BCAR3: variants seen among roughly 807,000 people sequenced by gnomAD.
The protein encoded by BCAR3 is BCAR3 adaptor protein, NSP family member, also known as breast cancer anti-estrogen resistance protein 3.
A neutral mutation model predicts 80.1 loss-of-function variants in BCAR3; 37 were observed. That is an observed-to-expected ratio of 0.46 (90% confidence interval 0.36 to 0.61). The LOEUF is 0.61. BCAR3 is among the 20% of genes least tolerant of loss of function. The pLI is 0.00. For synonymous variants in BCAR3, 389 were observed against 418.9 expected, an observed-to-expected ratio of 0.93 and a Z score of 0.87; for missense variants, 978 against 1,068.2, an observed-to-expected ratio of 0.92 and a Z score of 1.18.
intron 2 of BCAR3, among the ~76,000 whole-genome samples, chr1:93,724,740 G>A (rs1650522164): frequency 6.6e-6 from 1 of 152,190 alleles, no homozygotes. Flanking sequence ...AGGTGCTGGA[G>A]AAGATGGCGG....
intron 2 of BCAR3, among the ~76,000 whole-genome samples, chr1:93,745,880 A>T (rs1339591837): frequency 6.6e-6 from 1 of 152,226 alleles, no homozygotes; most frequent in Non-Finnish European, 1.5e-5. Flanking sequence ...TCTCTATTTT[A>T]AAAAATTAAA....
chr1:93,617,453 G>C (rs540986618), intron 3 of BCAR3, among the ~76,000 whole-genome samples: 12 of 152,304 alleles, frequency 7.9e-5, no homozygotes, highest in African/African-American at 2.9e-4. Context: ...TTGTCAAGCG[G>C]CCCCATGGAC....
At chr1:93,658,539 C>T (rs1647498461) in intron 2 of BCAR3, among the ~76,000 whole-genome samples, 1 of 152,058 alleles carries the variant, frequency 6.6e-6, no homozygotes, top group South Asian at 2.1e-4. Flanking sequence ...ATAGTCTCAG[C>T]TACTCTGGAG....
chr1:93,618,726 A>G (rs1246793292), intron 3 of BCAR3, among the ~76,000 whole-genome samples: 2 of 152,202 alleles, frequency 1.3e-5, no homozygotes, highest in African/African-American at 2.4e-5. Context: ...CATACAGGAC[A>G]TAATCCCAAG....
At position 93,598,398 on chromosome 1, in the gene BCAR3, A is replaced by G. The variant is rs181519279; in HGVS notation, c.358-6005T>C. 5.9e-5 allele frequency among the ~76,000 whole-genome samples: 9 copies of G among 152,344 alleles called. No individual in the cohort carries two copies. In the East Asian group the frequency reaches 1.7e-3, roughly 29 times the overall value. ...ATTTTACTCTATCCCTGCCTGTAAGAAAGGCTTCCTAGTTCCCACAGGATT... is the reference window on the plus strand; with the variant it reads ...ATTTTACTCTATCCCTGCCTGTAAGGAAGGCTTCCTAGTTCCCACAGGATT... On this transcript the variant is annotated intron_variant, in intron 3 of 11. Coordinates refer to ENST00000260502, the MANE Select transcript of BCAR3 (RefSeq NM_003567.4).
chr1:93,747,258 G>A (rs1557674318), intron 2 of BCAR3, among the ~76,000 whole-genome samples: 1 of 152,172 alleles, frequency 6.6e-6, no homozygotes, highest in African/African-American at 2.4e-5. Context: ...TGGGAAACCA[G>A]GCTCAAAAGG....
chr1:93,569,408 G>A (rs1053305755), intron 9 of BCAR3, among the ~76,000 whole-genome samples: 2 of 152,210 alleles, frequency 1.3e-5, no homozygotes, highest in Non-Finnish European at 2.9e-5. Context: ...GTGAAGAAAA[G>A]GCTGTGGCCG....
At chr1:93,801,321 A>C (rs754788512) in intron 2 of BCAR3, among the ~76,000 whole-genome samples, 5 of 152,184 alleles carry the variant, frequency 3.3e-5, no homozygotes, top group Non-Finnish European at 5.9e-5. Context: ...ATAACTGGCC[A>C]ATTTATCGCA....
At chr1:93,796,528 C>T (rs921845131) in intron 2 of BCAR3, among the ~76,000 whole-genome samples, 9 of 150,736 alleles carry the variant, frequency 6.0e-5, no homozygotes, top group African/African-American at 1.5e-4. Flanking sequence ...GCACGGTGCG[C>T]GCACACACTG....
chr1:93,574,672 A>C (rs1380735360), intron 8 of BCAR3, among the ~76,000 whole-genome samples: 1 of 152,214 alleles, frequency 6.6e-6, no homozygotes, highest in Non-Finnish European at 1.5e-5. Flanking sequence ...GAGAAATGGC[A>C]AAGTGTGGTG....
intron 2 of BCAR3, among the ~76,000 whole-genome samples, chr1:93,715,720 C>A (rs1650168573): frequency 1.3e-5 from 2 of 152,194 alleles, no homozygotes; most frequent in South Asian, 4.1e-4. Context: ...AACCTGACAG[C>A]ACTTCTTCCC....
intron 2 of BCAR3, among the ~76,000 whole-genome samples, chr1:93,776,466 G>A (rs1007881854): frequency 5.3e-5 from 8 of 152,094 alleles, no homozygotes; most frequent in Non-Finnish European, 8.8e-5. Context: ...TTTTTAAACT[G>A]TCGATAAGCC....
chr1:93,719,331 C>CTTT (rs1650301308), intron 2 of BCAR3, among the ~76,000 whole-genome samples: 17 of 73,378 alleles, frequency 2.3e-4, no homozygotes, highest in Admixed American at 4.4e-4. Context: ...TTTAAACTTT[C>CTTT]TTGTTTTTTT....
chr1:93,615,434 C>T (rs1446618685), intron 3 of BCAR3, among the ~76,000 whole-genome samples: 1 of 152,192 alleles, frequency 6.6e-6, no homozygotes, highest in East Asian at 1.9e-4. Context: ...GCGCTATTGC[C>T]ACAGCGAGTG....
chr1:93,644,669 T>A (rs1676098143), intron 2 of BCAR3, among the ~76,000 whole-genome samples: 1 of 152,184 alleles, frequency 6.6e-6, no homozygotes, highest in Admixed American at 6.5e-5. Flanking sequence ...TTGACTCTTT[T>A]CATTGACAAT....
At chr1:93,685,259 C>T (rs1648934853), upstream of BCAR3, among the ~76,000 whole-genome samples, 1 of 152,114 alleles carries the variant, frequency 6.6e-6, no homozygotes, top group Non-Finnish European at 1.5e-5. Flanking sequence ...TCCCCTCTTA[C>T]CTCTGTCTCC....
At chr1:93,798,530 C>T (rs375776127) in intron 2 of BCAR3, among the ~76,000 whole-genome samples, 2 of 152,178 alleles carry the variant, frequency 1.3e-5, no homozygotes, top group East Asian at 3.9e-4. Context: ...TAAATAACCT[C>T]GCTGTTTCCA....
chr1:93,638,620 G>A (rs942570387), intron 3 of BCAR3, among the ~76,000 whole-genome samples: 4 of 152,246 alleles, frequency 2.6e-5, no homozygotes, highest in South Asian at 4.2e-4. Flanking sequence ...GGTATGCTAG[G>A]TACGCAGAGG....
intron 3 of BCAR3, among the ~76,000 whole-genome samples, chr1:93,620,209 C>CAGCTGGTATACTTAGG (rs1224001838): frequency 6.6e-6 from 1 of 152,206 alleles, no homozygotes; most frequent in African/African-American, 2.4e-5. Flanking sequence ...GGCTGGCTCC[C>CAGCTGGTATACTTAGG]AGCTGGTATA....
Sources: gnomAD v4.1 joint callset for allele counts (sites outside exome capture counted in the v4.1 genomes callset) on GRCh38, gnomAD v4.1.1 for gene constraint, MANE v1.5 for transcripts, NCBI Gene and HGNC (gene_info 2026-07-23, HGNC 2026-07-21) for gene names.